Variants in ICE1 observed in about 807,000 individuals in gnomAD.
The protein encoded by ICE1 is interactor of little elongation complex ELL subunit 1.
A neutral mutation model predicts 192.7 loss-of-function variants in ICE1; 64 were observed. The observed-to-expected ratio is 0.33, with a 90% CI of 0.27 to 0.41. The LOEUF is 0.41. Ranked by LOEUF, ICE1 falls within the 10% of genes least tolerant of loss-of-function variation. The pLI, the probability that ICE1 is intolerant of heterozygous loss-of-function variation, is 1.00. For synonymous variants in ICE1, 1,010 were observed against 984.5 expected (o/e 1.03, Z -0.49); for missense variants, 2,708 against 2,696.0 (o/e 1.00, Z -0.10).
rs749255362 is a variant in ICE1 at position 5,462,183 on chromosome 5, A to G, written c.2849A>G (p.Asp950Gly). 6.2e-7 allele frequency: 1 copy of G among 1,612,330 alleles called. No individual in the cohort carries two copies. Among genetic ancestry groups the G allele is most frequent in the Non-Finnish European group, 8.5e-7 (1 of 1,178,932 alleles). ...PGGSSPVENS[D>G]CSTNSRLSFS... is the part of the protein sequence containing the mutation. Reference sequence around the variant, plus strand: ...GGTTCTTCACCAGTAGAAAATTCTGATTGTTCCACAAATAGCAGATTATCT... The same window carrying G: ...GGTTCTTCACCAGTAGAAAATTCTGGTTGTTCCACAAATAGCAGATTATCT... Residue 950 changes from aspartate (D) to glycine (G), a missense_variant, in exon 13 of 19, where the codon GAT becomes GGT. By Grantham distance (94) the Asp-to-Gly change is moderately conservative. Transcript: ENST00000296564.
At chr5:5,466,145 C>T (rs1248756223) in intron 13 of ICE1, among the ~76,000 whole-genome samples, 189 bp from the exon 14 acceptor site, 1 of 152,126 alleles carries the variant, frequency 6.6e-6, no homozygotes, top group Non-Finnish European at 1.5e-5. Flanking sequence ...TCTTCAGTAC[C>T]CCCGACCTCG....
chr5:5,437,863 T>C (rs779953726), intron 3 of ICE1: 5 of 152,256 alleles, frequency 3.3e-5, no homozygotes, highest in Non-Finnish European at 5.9e-5. Context: ...TTTAGCTTCA[T>C]GTTCGATGTC....
At chr5:5,468,729 T>A (rs1211783728) in intron 14 of ICE1, 99 bp from the exon 15 acceptor site, 1 of 711,234 alleles carries the variant, frequency 1.4e-6, no homozygotes, top group Admixed American at 3.8e-5. Flanking sequence ...GCAGGATGCC[T>A]GCAAGGCACC....
chr5:5,453,517 T>A (rs1738488614), intron 10 of ICE1, among the ~76,000 whole-genome samples: 1 of 152,142 alleles, frequency 6.6e-6, no homozygotes, highest in African/African-American at 2.4e-5. Context: ...TGAACTGGAG[T>A]AAAGATTTCA....
chr5:5,463,414 A>G lies in ICE1; in HGVS notation c.4080A>G (p.Glu1360=), dbSNP rs1279980618. 7 of 1,613,632 alleles carry G rather than the reference A, an allele frequency of 4.3e-6. No homozygotes were observed. Among genetic ancestry groups the G allele is most frequent in the African/African-American group, 2.7e-5 (2 of 75,032 alleles). The change falls in exon 13 of 19, where the codon GAA becomes GAG. Residue 1360 remains glutamate, a synonymous_variant. Transcript: ENST00000296564. ...CAGGCAGGCAAACCGATGGTGGGGA[A>G]GAAGACCTGCCAGAACCTGTGGAGC... ...SDAGRQTDGG[E]EDLPEPVEPS...
intron 18 of ICE1, among the ~76,000 whole-genome samples, chr5:5,487,043 C>CT (rs1442486900): frequency 2.0e-5 from 3 of 152,176 alleles, no homozygotes; most frequent in African/African-American, 7.2e-5. Context: ...TTGGGCACTG[C>CT]TTTCCTAAGG....
intron 1 of ICE1, among the ~76,000 whole-genome samples, chr5:5,429,800 A>G (rs747195323): frequency 6.6e-6 from 1 of 152,224 alleles, no homozygotes; most frequent in Admixed American, 6.5e-5. Context: ...CATGGGCATC[A>G]GCATTCACAG....
In ICE1 at chr5:5,466,314, T is replaced by G; in HGVS notation, c.5893-20T>G. 2 of 1,580,462 alleles carry G rather than the reference T, an allele frequency of 1.3e-6. No individual in the cohort carries two copies. Among genetic ancestry groups the G allele is most frequent in the Non-Finnish European group, 1.7e-6 (2 of 1,166,210 alleles). On this transcript the variant is annotated intron_variant, in intron 13 of 18. Coordinates refer to ENST00000296564, the MANE Select transcript of ICE1 (RefSeq NM_015325.3). ...TAAGTATGAGTGTACATTGCCTTTTTAATTTTTTTTTCAATCCAGCATTTA... is the reference window on the plus strand; with the variant it reads ...TAAGTATGAGTGTACATTGCCTTTTGAATTTTTTTTTCAATCCAGCATTTA...
chr5:5,457,530 T>G lies in ICE1; in HGVS notation c.890T>G (p.Val297Gly), dbSNP rs1217374252. The G allele has an allele frequency of 6.2e-7, 1 of 1,613,824 alleles. No homozygotes were observed. The highest frequency in any genetic ancestry group is 1.7e-5 in the Admixed American group (1 of 60,006). Residue 297 changes from valine (V) to glycine (G), a missense_variant, in exon 12 of 19, where the codon GTT becomes GGT. Around this residue, in one of 2 missense-constraint regions of ICE1, gnomAD observed 2,366 missense variants for 2,276.6 expected, o/e 1.04. Coordinates refer to ENST00000296564, the MANE Select transcript of ICE1 (RefSeq NM_015325.3). Reference sequence around the variant, plus strand: ...GGAACAAATTGTAGTTCTGACCATGTTTTTAATGAGAATGGAAATCTTGAG... The same window carrying G: ...GGAACAAATTGTAGTTCTGACCATGGTTTTAATGAGAATGGAAATCTTGAG... Reference protein sequence around the residue: ...SSGTNCSSDHVFNENGNLEVL... With the variant: ...SSGTNCSSDHGFNENGNLEVL...
chr5:5,438,142 T>C (rs1737926739), intron 3 of ICE1, among the ~76,000 whole-genome samples: 1 of 152,210 alleles, frequency 6.6e-6, no homozygotes, highest in Admixed American at 6.5e-5. Context: ...ATCCTTCACA[T>C]GGTGGCAGGA....
intron 6 of ICE1, among the ~76,000 whole-genome samples, chr5:5,443,566 TTGTC>T (rs1420812989): frequency 6.6e-6 from 1 of 152,216 alleles, no homozygotes; most frequent in Admixed American, 6.5e-5. Flanking sequence ...CTAAAGGTGT[TTGTC>T]TGTGTATATA....
intron 13 of ICE1, 134 bp downstream of exon 13, chr5:5,465,360 C>T (rs1738953962): frequency 1.6e-6 from 1 of 621,086 alleles, no homozygotes; most frequent in Non-Finnish European, 2.8e-6. Flanking sequence ...TCCATGTAAA[C>T]ATTACGACTA....
At chr5:5,458,588 C>T (rs1351916033) in intron 12 of ICE1, among the ~76,000 whole-genome samples, 1 of 152,274 alleles carries the variant, frequency 6.6e-6, no homozygotes, top group African/African-American at 2.4e-5. Flanking sequence ...AGTGGGGTTG[C>T]TTCAGGTGGA....
In ICE1 at chr5:5,436,000, C is replaced by A. The variant is rs373842484; in HGVS notation, c.85-418C>A. ...ATATATTTTTTCACTTAATCTTAGT[C>A]CATTTTAATATTTCTATTCATCTCC... On this transcript the variant is annotated intron_variant, in intron 1 of 18. Coordinates refer to ENST00000296564, the MANE Select transcript of ICE1 (RefSeq NM_015325.3). Among the ~76,000 whole-genome samples the A allele has an allele frequency of 7.9e-5, 12 of 152,112 alleles. No homozygotes were observed. In the East Asian group the frequency reaches 1.4e-3, roughly 17 times the overall value.
At chr5:5,459,114 C>T (rs1378794784) in intron 12 of ICE1, among the ~76,000 whole-genome samples, 1 of 152,130 alleles carries the variant, frequency 6.6e-6, no homozygotes, top group Non-Finnish European at 1.5e-5. Context: ...ACCTCGTGAT[C>T]TGCCTGCCTC....
Position 5,484,890 on chromosome 5 carries a change from A to T in ICE1, c.6521-1831A>T, listed in dbSNP as rs147503373. Among the ~76,000 whole-genome samples the T allele has an allele frequency of 2.7e-3, 409 of 152,320 alleles. 2 individuals carry two copies. Among genetic ancestry groups the T allele is most frequent in the Non-Finnish European group, 3.5e-3 (237 of 68,024 alleles). On this transcript the variant is annotated intron_variant, in intron 17 of 18. Coordinates refer to ENST00000296564, the MANE Select transcript of ICE1 (RefSeq NM_015325.3). ...CAATATGATACTGTTGTAAAAGCAC[A>T]TCCAAGATATGTTCGCAATTCTCCT...
chr5:5,465,888 A>G (rs1336687622), intron 13 of ICE1, among the ~76,000 whole-genome samples: 1 of 152,212 alleles, frequency 6.6e-6, no homozygotes, highest in Non-Finnish European at 1.5e-5. Flanking sequence ...TCCTCTTAGG[A>G]CAAAAAATGT....
intron 15 of ICE1, among the ~76,000 whole-genome samples, chr5:5,469,222 A>G (rs1561095016): frequency 1.3e-5 from 2 of 152,248 alleles, no homozygotes; most frequent in Non-Finnish European, 2.9e-5. Flanking sequence ...TTTGTGTTAT[A>G]CACTAATTTG....
chr5:5,477,733 AATAAAATACCG>A (rs1739360367), intron 17 of ICE1, among the ~76,000 whole-genome samples: 1 of 152,248 alleles, frequency 6.6e-6, no homozygotes, highest in Admixed American at 6.5e-5. Flanking sequence ...GAAAATCCTC[AATAAAATACCG>A]GCAAACCAAA....
Sources: gnomAD v4.1 joint callset for allele counts (sites outside exome capture counted in the v4.1 genomes callset) on GRCh38, gnomAD v4.1.1 for gene constraint, gnomAD v4.1.1 regional missense constraint, MANE v1.5 for transcripts, NCBI Gene and HGNC (gene_info 2026-07-23, HGNC 2026-07-21) for gene names.